ANGPT1: variants seen among roughly 807,000 people sequenced by gnomAD.
The protein encoded by ANGPT1 is angiopoietin-1.
A neutral mutation model predicts 62.2 loss-of-function variants in ANGPT1; 17 were observed. The ratio of observed to expected loss-of-function variants is 0.27; its 90% CI spans 0.19 to 0.41. The LOEUF is 0.41. Among genes scored for constraint, ANGPT1 ranks in the 10% least tolerant of loss-of-function variants. The probability of loss-of-function intolerance (pLI) is 1.00; values close to 1 mark genes in which losing one functional copy is unlikely to be tolerated. For missense variants in ANGPT1, 478 were observed against 594.9 expected, an observed-to-expected ratio of 0.80 and a Z score of 2.04; for synonymous variants, 199 against 198.9, an observed-to-expected ratio of 1.00 and a Z score of 0.00.
At chr8:107,328,645 T>C (rs1815345855) in intron 3 of ANGPT1, among the ~76,000 whole-genome samples, 1 of 151,946 alleles carries the variant, frequency 6.6e-6, no homozygotes, top group African/African-American at 2.4e-5. Context: ...AGAAAAAATG[T>C]TAAACATACG....
intron 1 of ANGPT1, among the ~76,000 whole-genome samples, chr8:107,469,560 T>C (rs1018542446): frequency 6.6e-6 from 1 of 152,008 alleles, no homozygotes; most frequent in Non-Finnish European, 1.5e-5. Context: ...CAGGCTTTGT[T>C]ATATACAAAG....
At chr8:107,430,337 G>A (rs1811149279) in intron 1 of ANGPT1, among the ~76,000 whole-genome samples, 3 of 152,126 alleles carry the variant, frequency 2.0e-5, no homozygotes, top group Admixed American at 2.0e-4. Context: ...CCATCCTCGG[G>A]CTAAGTACTC....
At chr8:107,399,636 G>A (rs991311848) in intron 1 of ANGPT1, among the ~76,000 whole-genome samples, 1 of 152,094 alleles carries the variant, frequency 6.6e-6, no homozygotes. Context: ...TAGGATAGTG[G>A]CTGAGCCCGG....
At chr8:107,315,054 T>A (rs1586215529) in intron 4 of ANGPT1, among the ~76,000 whole-genome samples, 1 of 152,166 alleles carries the variant, frequency 6.6e-6, no homozygotes, top group Admixed American at 6.5e-5. Flanking sequence ...TCCTCAGCAC[T>A]GAGAAGAAAG....
At chr8:107,450,295 T>C (rs1156834177) in intron 1 of ANGPT1, among the ~76,000 whole-genome samples, 2 of 152,092 alleles carry the variant, frequency 1.3e-5, no homozygotes, top group Non-Finnish European at 2.9e-5. Context: ...TTACACATTC[T>C]GAGCATCTGC....
At chr8:107,451,869 A>C (rs1465585843) in intron 1 of ANGPT1, among the ~76,000 whole-genome samples, 1 of 151,940 alleles carries the variant, frequency 6.6e-6, no homozygotes, top group East Asian at 1.9e-4. Flanking sequence ...CAGAACTCTT[A>C]GTTTAATTTT....
Position 107,251,844 on chromosome 8 carries a change from A to C in ANGPT1, c.*11T>G, listed in dbSNP as rs1813254938. Reference sequence around the variant, plus strand: ...TTTGTTGCTTTCATAATCGCTTCTGACATTGCGCTTTCAAAAATCTAAAGG... The same window carrying C: ...TTTGTTGCTTTCATAATCGCTTCTGCCATTGCGCTTTCAAAAATCTAAAGG... On this transcript the variant is annotated 3_prime_UTR_variant, in exon 9 of 9. Transcript: ENST00000517746. The C allele has an allele frequency of 1.2e-6, 2 of 1,613,574 alleles. No homozygotes were observed. Among genetic ancestry groups the C allele is most frequent in the African/African-American group, 1.3e-5 (1 of 74,904 alleles).
At chr8:107,312,042 C>T (rs377676141) in intron 4 of ANGPT1, among the ~76,000 whole-genome samples, 13 of 129,380 alleles carry the variant, frequency 1.0e-4, no homozygotes, top group African/African-American at 3.6e-4. Context: ...CCAGCCTGGG[C>T]GACAGAGCGA....
intron 1 of ANGPT1, among the ~76,000 whole-genome samples, chr8:107,430,712 G>A (rs1363704226): frequency 2.0e-5 from 3 of 152,256 alleles, no homozygotes; most frequent in East Asian, 3.9e-4. Context: ...AGTGGTCAGC[G>A]GGTCAGGGTT....
chr8:107,398,636 A>G (rs1296707089), intron 1 of ANGPT1, among the ~76,000 whole-genome samples: 3 of 151,882 alleles, frequency 2.0e-5, no homozygotes, highest in African/African-American at 7.3e-5. Context: ...CAAACCTAAA[A>G]CTGTTCTGGA....
intron 4 of ANGPT1, among the ~76,000 whole-genome samples, chr8:107,321,574 TTAAG>T (rs1815150021): frequency 1.3e-5 from 2 of 152,274 alleles, no homozygotes. Flanking sequence ...CTATATATAG[TTAAG>T]TGTCTAACAC....
chr8:107,358,519 C>G (rs1217621433), intron 1 of ANGPT1, among the ~76,000 whole-genome samples: 1 of 152,140 alleles, frequency 6.6e-6, no homozygotes, highest in African/African-American at 2.4e-5. Flanking sequence ...TTACAATGAA[C>G]TGGCTTCTCT....
At chr8:107,297,943 A>G (rs554737185) in intron 5 of ANGPT1, among the ~76,000 whole-genome samples, 1 of 151,974 alleles carries the variant, frequency 6.6e-6, no homozygotes, top group African/African-American at 2.4e-5. Flanking sequence ...GACATGAAAG[A>G]CTTGAAAAGT....
chr8:107,310,314 G>A (rs1473847256), intron 4 of ANGPT1, among the ~76,000 whole-genome samples: 4 of 152,074 alleles, frequency 2.6e-5, no homozygotes, highest in African/African-American at 9.7e-5. Context: ...GCTCAGAAAT[G>A]CTACTAACTT....
At chr8:107,479,468 A>G (rs1408289361) in intron 1 of ANGPT1, among the ~76,000 whole-genome samples, 1 of 152,184 alleles carries the variant, frequency 6.6e-6, no homozygotes, top group Non-Finnish European at 1.5e-5. Flanking sequence ...TCAAGTCCAG[A>G]TTCTATGCTC....
At chr8:107,280,293 G>C (rs776989447) in intron 7 of ANGPT1, among the ~76,000 whole-genome samples, 7 of 151,640 alleles carry the variant, frequency 4.6e-5, no homozygotes, top group South Asian at 4.2e-4. Context: ...CTCCACCTCC[G>C]GGGTTCAAGT....
chr8:107,355,675 C>T (rs1816028956), intron 1 of ANGPT1, among the ~76,000 whole-genome samples: 1 of 152,124 alleles, frequency 6.6e-6, no homozygotes, highest in Non-Finnish European at 1.5e-5. Flanking sequence ...ATTTATTCTC[C>T]CTTTTCTTGG....
At chr8:107,374,364 G>A (rs552450083) in intron 1 of ANGPT1, among the ~76,000 whole-genome samples, 26 of 152,262 alleles carry the variant, frequency 1.7e-4, no homozygotes, top group African/African-American at 4.6e-4. Context: ...CACAATGGCA[G>A]TTCTCATGAG....
At chr8:107,293,187 G>A (rs1164629109) in intron 6 of ANGPT1, among the ~76,000 whole-genome samples, 1 of 135,372 alleles carries the variant, frequency 7.4e-6, no homozygotes, top group South Asian at 2.5e-4. Flanking sequence ...CATTAAAAAA[G>A]AGAAGAACTG....
Sources: gnomAD v4.1 joint callset for allele counts (sites outside exome capture counted in the v4.1 genomes callset) on GRCh38, gnomAD v4.1.1 for gene constraint, MANE v1.5 for transcripts, NCBI Gene and HGNC (gene_info 2026-07-23, HGNC 2026-07-21) for gene names.